ABI3BP: variants seen among roughly 807,000 people sequenced by gnomAD.
ABI3BP encodes ABI family member 3 binding protein, also known as target of Nesh-SH3.
Under a neutral mutation model 268.6 loss-of-function variants are expected in ABI3BP, and 216 were observed. The observed-to-expected ratio is 0.80, with a 90% CI of 0.72 to 0.90. The LOEUF (loss-of-function observed/expected upper bound fraction) is 0.90. ABI3BP is among the 40% of genes least tolerant of loss of function. The pLI is 0.00. For missense variants in ABI3BP, 2,090 were observed against 2,182.4 expected, an observed-to-expected ratio of 0.96 and a Z score of 0.84; for synonymous variants, 730 against 730.0, an observed-to-expected ratio of 1.00 and a Z score of 0.00.
intron 45 of ABI3BP, among the ~76,000 whole-genome samples, chr3:100,813,272 T>C (rs1413113211): frequency 6.6e-6 from 1 of 152,176 alleles, no homozygotes; most frequent in African/African-American, 2.4e-5. Flanking sequence ...AAATTTCTCC[T>C]TCCTTGATGG....
At chr3:100,872,886 T>A (rs750823385) in intron 9 of ABI3BP, among the ~76,000 whole-genome samples, 8 of 152,174 alleles carry the variant, frequency 5.3e-5, no homozygotes, top group Non-Finnish European at 8.8e-5. Context: ...GACTACTAGA[T>A]ATGACTATTT....
chr3:100,970,081 T>G lies in ABI3BP; in HGVS notation c.79+23225A>C, dbSNP rs2082913271. Among the ~76,000 whole-genome samples the G allele has an allele frequency of 2.6e-5, 4 of 152,198 alleles. No homozygotes were observed. In the South Asian group the frequency reaches 8.3e-4, roughly 31 times the overall value. On this transcript the variant is annotated intron_variant, in intron 1 of 67. Coordinates refer to ENST00000471714, the MANE Select transcript of ABI3BP (RefSeq NM_001375547.2). ...ATTCCTCTAACTTCTTGCTGCAGCC[T>G]AAAATCTACTATAGTCACAGGCCTA...
chr3:100,761,955 C>A (rs532043600), intron 63 of ABI3BP, among the ~76,000 whole-genome samples: 1 of 152,294 alleles, frequency 6.6e-6, no homozygotes, highest in African/African-American at 2.4e-5. Flanking sequence ...GATCCATCTT[C>A]CAGTTATTCA....
intron 14 of ABI3BP, among the ~76,000 whole-genome samples, chr3:100,861,377 C>T (rs1395818506): frequency 1.3e-5 from 2 of 152,140 alleles, no homozygotes; most frequent in Non-Finnish European, 2.9e-5. Context: ...GAGAACACCA[C>T]AAAATGCTGC....
chr3:100,849,801 T>C (rs568438871), intron 17 of ABI3BP, among the ~76,000 whole-genome samples: 1 of 152,238 alleles, frequency 6.6e-6, no homozygotes, highest in African/African-American at 2.4e-5. Context: ...GCTGGCAAAG[T>C]TGAAAGAAGA....
intron 38 of ABI3BP, among the ~76,000 whole-genome samples, chr3:100,822,144 T>C (rs2098250756): frequency 6.6e-6 from 1 of 152,134 alleles, no homozygotes; most frequent in African/African-American, 2.4e-5. Flanking sequence ...CCCCATACCA[T>C]CTTTTACTTT....
chr3:100,757,245 G>A (rs1339155987), intron 63 of ABI3BP, among the ~76,000 whole-genome samples: 1 of 152,108 alleles, frequency 6.6e-6, no homozygotes, highest in African/African-American at 2.4e-5. Context: ...TAGAAACTTT[G>A]TAATAAATTT....
chr3:100,939,655 G>GC (rs2067960038), intron 1 of ABI3BP, among the ~76,000 whole-genome samples: 4 of 152,090 alleles, frequency 2.6e-5, no homozygotes, highest in African/African-American at 2.4e-5. Context: ...TGGAGGCAGG[G>GC]CAAGATCACA....
intron 1 of ABI3BP, among the ~76,000 whole-genome samples, chr3:100,968,630 A>G (rs1013319599): frequency 1.3e-5 from 2 of 152,206 alleles, no homozygotes; most frequent in African/African-American, 4.8e-5. Flanking sequence ...GGGCTCTCTT[A>G]AGTGACAGCT....
chr3:100,918,157 A>T (rs2059212036), intron 2 of ABI3BP, among the ~76,000 whole-genome samples: 1 of 152,198 alleles, frequency 6.6e-6, no homozygotes, highest in Non-Finnish European at 1.5e-5. Flanking sequence ...CAAAGAAATA[A>T]CTAAGAATTA....
chr3:100,765,252 C>A (rs1360881077), intron 63 of ABI3BP, among the ~76,000 whole-genome samples: 3 of 152,024 alleles, frequency 2.0e-5, no homozygotes, highest in Non-Finnish European at 4.4e-5. Flanking sequence ...GCAATATGAA[C>A]AACCTGGTAT....
In ABI3BP at chr3:100,964,414, G is replaced by T. The variant is rs117008468; in HGVS notation, c.79+28892C>A. ...TTGGACTATAAATTCCGGGGCATCCGCCGCCAGCCGGTCCTTTCTGCTCAG... is the reference window on the plus strand; with the variant it reads ...TTGGACTATAAATTCCGGGGCATCCTCCGCCAGCCGGTCCTTTCTGCTCAG... On this transcript the variant is annotated intron_variant, in intron 1 of 67. Coordinates refer to ENST00000471714, the MANE Select transcript of ABI3BP (RefSeq NM_001375547.2). Among the ~76,000 whole-genome samples, 137 of 152,254 alleles carry T rather than the reference G, an allele frequency of 9.0e-4. 1 individual carries two copies. In the East Asian group the frequency reaches 0.014, roughly 15 times the overall value.
At chr3:100,828,227 TC>T (rs1289886102) in intron 34 of ABI3BP, among the ~76,000 whole-genome samples, 165 bp downstream of exon 34, 1 of 152,062 alleles carries the variant, frequency 6.6e-6, no homozygotes, top group African/African-American at 2.4e-5. Flanking sequence ...CCAGGAAAGA[TC>T]CCAAACTAGA....
At chr3:100,760,475 T>C (rs1426698364) in intron 63 of ABI3BP, among the ~76,000 whole-genome samples, 1 of 152,166 alleles carries the variant, frequency 6.6e-6, no homozygotes, top group African/African-American at 2.4e-5. Context: ...TGAAAACAAA[T>C]TGCAGACTGC....
At chr3:100,942,468 G>T (rs1457327097) in intron 1 of ABI3BP, among the ~76,000 whole-genome samples, 1 of 152,046 alleles carries the variant, frequency 6.6e-6, no homozygotes, top group Non-Finnish European at 1.5e-5. Flanking sequence ...TTGGAAAAAT[G>T]GTAGATTCTT....
chr3:100,885,211 T>A (rs2041382444), intron 6 of ABI3BP, among the ~76,000 whole-genome samples: 1 of 152,076 alleles, frequency 6.6e-6, no homozygotes, highest in African/African-American at 2.4e-5. Flanking sequence ...ATAAATCATG[T>A]ATCAATTTGC....
chr3:100,851,888 T>C lies in ABI3BP; in HGVS notation c.1338A>G (p.Ser446=), dbSNP rs750647868. 1 of 1,593,870 alleles carries C rather than the reference T, an allele frequency of 6.3e-7. No individual in the cohort carries two copies. Among genetic ancestry groups the C allele is most frequent in the African/African-American group, 1.3e-5 (1 of 74,118 alleles). Residue 446 remains serine, a synonymous_variant, in exon 15 of 68, where the codon TCA becomes TCG. Coordinates refer to ENST00000471714, the MANE Select transcript of ABI3BP (RefSeq NM_001375547.2). ...SPTTSDEPEI[S]DSYTATSDRI... ...GGCCAGATATACCTGTGTAGGAATC[T>C]GATATCTCAGGCTCATCTGATGTTG... is the stretch of plus-strand genomic sequence containing the variant.
At chr3:100,901,746 A>G (rs1209615719) in intron 3 of ABI3BP, among the ~76,000 whole-genome samples, 1 of 151,898 alleles carries the variant, frequency 6.6e-6, no homozygotes, top group Non-Finnish European at 1.5e-5. Flanking sequence ...AGTCTGGGCC[A>G]CAGAGCAAGA....
At chr3:100,960,635 G>A (rs2078696116) in intron 1 of ABI3BP, among the ~76,000 whole-genome samples, 1 of 152,206 alleles carries the variant, frequency 6.6e-6, no homozygotes, top group African/African-American at 2.4e-5. Context: ...GCAAGCAGGA[G>A]ATATGAAGCA....
Sources: allele counts gnomAD v4.1 joint callset (sites outside exome capture counted in the v4.1 genomes callset), GRCh38; gene constraint gnomAD v4.1.1; transcripts MANE v1.5; gene names NCBI Gene and HGNC (gene_info 2026-07-23, HGNC 2026-07-21).